The following ERAP2 variants were observed in gnomAD, a reference collection of about 807,000 sequenced individuals.
The protein encoded by ERAP2 is leukocyte-derived arginine aminopeptidase.
Under a neutral mutation model 111.1 loss-of-function variants are expected in ERAP2, and 118 were observed. The observed-to-expected ratio is 1.06, with a 90% confidence interval of 0.92 to 1.24. The LOEUF (loss-of-function observed/expected upper bound fraction) is 1.24, where lower values mean the gene tolerates loss of function less well. ERAP2 is among the 50% of genes most tolerant of loss of function. The pLI, the probability that ERAP2 is intolerant of heterozygous loss-of-function variation, is 0.00. For missense variants in ERAP2, 1,131 were observed against 1,125.8 expected (o/e 1.00, Z -0.07); for synonymous variants, 410 against 401.2 (o/e 1.02, Z -0.26).
At chr5:96,896,121 G>A (rs1358532097) in intron 7 of ERAP2, among the ~76,000 whole-genome samples, 1 of 152,096 alleles carries the variant, frequency 6.6e-6, no homozygotes, top group East Asian at 1.9e-4. Flanking sequence ...CTGTATTCAA[G>A]GGCTGGTACA....
Position 96,909,553 on chromosome 5 carries a change from CTGTTAACCATCTCATATTT to C in ERAP2, c.2170-25_2170-7del. On this transcript the variant is annotated splice_polypyrimidine_tract_variant and splice_region_variant and intron_variant, in intron 14 of 18. Coordinates refer to ENST00000437043, the MANE Select transcript of ERAP2 (RefSeq NM_022350.5). ...GTGTTAAGGACTAAATTTAGCCTCT[CTGTTAACCATCTCATATTT>C]TCTGCAGCGTTACCTTCTTCAGTAT... is the stretch of plus-strand genomic sequence containing the variant. The C allele has an allele frequency of 6.3e-7, 1 of 1,590,628 alleles. No homozygotes were observed.
In ERAP2 at chr5:96,917,395, A is replaced by T. The variant is rs900200632; in HGVS notation, c.2740-67A>T. 189 of 1,354,726 alleles carry T rather than the reference A, an allele frequency of 1.4e-4. 1 individual carries two copies. The highest frequency in any genetic ancestry group is 2.4e-4 in the Middle Eastern group (1 of 4,108). The allele number at this position is 1,354,726 out of a possible 1,614,324, so 83.9% of individuals were successfully genotyped here. A position where few individuals can be genotyped will look rare whatever the true frequency, so the allele number is the denominator to read the frequency against. ...CTTGGCCTCCCGAAGTGCTGGGATT[A>T]CAGGTGTGAACCACCACACTCGGCC... On this transcript the variant is annotated intron_variant, in intron 18 of 18. Transcript: ENST00000437043.
rs1167152181 is a variant in ERAP2, at chr5:96,917,956, G to A, written c.*351G>A. The A allele has an allele frequency of 2.0e-5, 3 of 153,488 alleles. No individual in the cohort carries two copies. Among genetic ancestry groups the A allele is most frequent in the African/African-American group, 7.5e-5 (3 of 39,846 alleles). The allele number at this position is 153,488 out of a possible 1,614,324, so 9.5% of individuals were successfully genotyped here. On this transcript the variant is annotated 3_prime_UTR_variant, in exon 19 of 19. Coordinates refer to ENST00000437043, the MANE Select transcript of ERAP2 (RefSeq NM_022350.5). Reference sequence around the variant, plus strand: ...AAAAGAAAAAGAAAAGAAAAGAAAAGGTACATCAGACATGACTGCCTGCAT... The same window carrying A: ...AAAAGAAAAAGAAAAGAAAAGAAAAAGTACATCAGACATGACTGCCTGCAT...
At position 96,914,148 on chromosome 5, in the gene ERAP2, T is replaced by A. The variant is rs72775853; in HGVS notation, c.2657+691T>A. ...CTTTCTGTCTCTCTCTCTCTCTCTC[T>A]CACACACACACACACACACAATCAC... On this transcript the variant is annotated intron_variant, in intron 17 of 18. Transcript: ENST00000437043. 6.7e-3 allele frequency among the ~76,000 whole-genome samples: 993 copies of A among 148,024 alleles called. 14 individuals carry two copies. The highest frequency in any genetic ancestry group is 0.022 in the African/African-American group (870 of 40,160).
At chr5:96,913,055 T>G (rs1366098411) in intron 16 of ERAP2, among the ~76,000 whole-genome samples, 1 of 152,192 alleles carries the variant, frequency 6.6e-6, no homozygotes, top group Non-Finnish European at 1.5e-5. Context: ...AAAATTATTG[T>G]TGTAAAAATA....
chr5:96,905,931 T>C (rs1001568552), intron 13 of ERAP2, among the ~76,000 whole-genome samples: 2 of 140,628 alleles, frequency 1.4e-5, no homozygotes, highest in African/African-American at 2.7e-5. Context: ...GAGATAATTT[T>C]TTTTTCTTTT....
chr5:96,903,604 G>A (rs371260629), intron 13 of ERAP2, 44 bp downstream of exon 13: 47 of 1,514,138 alleles, frequency 3.1e-5, no homozygotes, highest in African/African-American at 2.1e-4. Flanking sequence ...TAACTGATTC[G>A]TAACCAGATA....
chr5:96,879,723 A>G lies in ERAP2; in HGVS notation c.38A>G (p.Lys13Arg). The G allele has an allele frequency of 6.2e-7, 1 of 1,614,178 alleles. No individual in the cohort carries two copies. Among genetic ancestry groups the G allele is most frequent in the Non-Finnish European group, 8.5e-7 (1 of 1,180,006 alleles). The change falls in exon 2 of 19, where the codon AAA (lysine) becomes AGA (arginine). Residue 13 changes from lysine (K) to arginine (R), a missense_variant. Physicochemically the swap from Lys to Arg is conservative, Grantham distance 26. Around this residue, in one of 3 missense-constraint regions of ERAP2, gnomAD observed 847 missense variants for 856.5 expected, o/e 0.99. Transcript: ENST00000437043. ...TCTGCAATGGTTAATTCACACAGAA[A>G]ACCAATGTTTAACATTCACAGAGGA... ...HSSAMVNSHR[K>R]PMFNIHRGFY...
chr5:96,889,431 A>T, intron 5 of ERAP2, 126 bp downstream of exon 5: 3 of 1,070,792 alleles, frequency 2.8e-6, no homozygotes, highest in Non-Finnish European at 4.3e-6. Context: ...AGGAAAAAAT[A>T]ATTTGTTCCT....
intron 6 of ERAP2, among the ~76,000 whole-genome samples, chr5:96,894,785 T>C (rs757890398): frequency 2.0e-5 from 3 of 152,152 alleles, no homozygotes; most frequent in Admixed American, 6.5e-5. Context: ...TGAATTCTTA[T>C]GATTCTCCTA....
chr5:96,896,587 G>A (rs1784879968), intron 8 of ERAP2, 83 bp downstream of exon 8: 1 of 1,488,526 alleles, frequency 6.7e-7, no homozygotes, highest in Non-Finnish European at 9.1e-7. Flanking sequence ...AGTCACTGGT[G>A]CCAGTTCCTG....
In ERAP2 at chr5:96,917,477, G is replaced by T. The variant is rs771087567; in HGVS notation, c.2755G>T (p.Glu919Ter). The T allele has an allele frequency of 1.0e-5, 16 of 1,577,248 alleles. No homozygotes were observed. The Admixed American group carries it at 1.8e-4, about 17-fold the overall frequency. The change falls in exon 19 of 19, where the codon GAA becomes TAA. Residue 919 changes from glutamate to a stop codon, truncating the protein, a stop_gained. Transcript: ENST00000437043. LOFTEE classifies it high-confidence loss of function. Reference sequence around the variant, plus strand: ...TATTTTACAGGTGAAACTATTTTTTGAATCTCTTGAGGCTCAAGGATCACA... The same window carrying T: ...TATTTTACAGGTGAAACTATTTTTTTAATCTCTTGAGGCTCAAGGATCACA... ...DKLQEVKLFFESLEAQGSHLD... is the reference protein window; with the variant it reads ...DKLQEVKLFF
At chr5:96,912,265 T>A (rs1370149499) in intron 15 of ERAP2, among the ~76,000 whole-genome samples, 7 of 149,622 alleles carry the variant, frequency 4.7e-5, no homozygotes, top group Middle Eastern at 3.4e-3. Flanking sequence ...TAATCATCTT[T>A]AAAAAAAAAA....
chr5:96,886,256 G>A (rs185255892), intron 3 of ERAP2, among the ~76,000 whole-genome samples: 1 of 152,262 alleles, frequency 6.6e-6, no homozygotes, highest in East Asian at 1.9e-4. Flanking sequence ...CCACAGGGGT[G>A]TACTTCTTGT....
chr5:96,879,224 A>C (rs1302797684), intron 1 of ERAP2, among the ~76,000 whole-genome samples: 1 of 152,240 alleles, frequency 6.6e-6, no homozygotes, highest in African/African-American at 2.4e-5. Flanking sequence ...ACCCTGTCTA[A>C]AACATAAATA....
chr5:96,895,074 A>G (rs1447512509), intron 6 of ERAP2, among the ~76,000 whole-genome samples, 172 bp from the exon 7 acceptor site: 1 of 152,146 alleles, frequency 6.6e-6, no homozygotes, highest in Non-Finnish European at 1.5e-5. Context: ...GGTGGTGAGA[A>G]TAAGAAGGCA....
chr5:96,907,762 A>T (rs921291389), intron 13 of ERAP2, among the ~76,000 whole-genome samples: 3 of 152,066 alleles, frequency 2.0e-5, no homozygotes, highest in Non-Finnish European at 4.4e-5. Context: ...ACATGGCTAT[A>T]ATCCCAGCTA....
chr5:96,892,987 G>C (rs960969624), intron 6 of ERAP2, among the ~76,000 whole-genome samples: 2 of 151,594 alleles, frequency 1.3e-5, no homozygotes, highest in African/African-American at 2.4e-5. Context: ...TAATAGTTCT[G>C]TTTCATAAAG....
chr5:96,916,241 C>CA lies in ERAP2; in HGVS notation c.2739+477dup, dbSNP rs200466031. Among the ~76,000 whole-genome samples, 51 of 110,416 alleles carry CA rather than the reference C, an allele frequency of 4.6e-4. 1 individual carries two copies. Among genetic ancestry groups the CA allele is most frequent in the African/African-American group, 1.7e-3 (50 of 29,902 alleles). 72.4% of individuals were successfully genotyped at this position (110,416 alleles called of 152,430 possible). ...ATCTCAAAAAAACAAAAAACAAAAACAAAAACAAAAAACAACAGCAAAAAA... is the reference window on the plus strand; with the variant it reads ...ATCTCAAAAAAACAAAAAACAAAAACAAAAAACAAAAAACAACAGCAAAAAA... On this transcript the variant is annotated intron_variant, in intron 18 of 18. Coordinates refer to ENST00000437043, the MANE Select transcript of ERAP2 (RefSeq NM_022350.5).
Sources: allele counts gnomAD v4.1 joint callset (sites outside exome capture counted in the v4.1 genomes callset), GRCh38; gene constraint gnomAD v4.1.1; regional missense constraint gnomAD v4.1.1; transcripts MANE v1.5; gene names NCBI Gene and HGNC (gene_info 2026-07-23, HGNC 2026-07-21).